Variants in CNBD1 observed in about 807,000 individuals in gnomAD.
The protein encoded by CNBD1 is cyclic nucleotide binding domain containing 1.
A neutral mutation model predicts 54.4 loss-of-function variants in CNBD1; 71 were observed. The observed-to-expected ratio is 1.30, with a 90% CI of 1.08 to 1.59. CNBD1 has a LOEUF of 1.59. Ranked by LOEUF, CNBD1 falls within the 40% of genes most tolerant of loss-of-function variation. CNBD1 has a pLI of 0.00. For missense variants in CNBD1, 659 were observed against 518.0 expected (o/e 1.27, Z -2.64); for synonymous variants, 182 against 170.7 (o/e 1.07, Z -0.51).
At chr8:87,401,554 T>C (rs573704719) in intron 2 of CNBD1, among the ~76,000 whole-genome samples, 1 of 152,084 alleles carries the variant, frequency 6.6e-6, no homozygotes, top group Non-Finnish European at 1.5e-5. Context: ...TCTTGTTTTT[T>C]ATGTTATTTT....
intron 4 of CNBD1, among the ~76,000 whole-genome samples, chr8:87,038,302 CA>C (rs1161267417): frequency 3.3e-5 from 5 of 152,110 alleles, no homozygotes. Flanking sequence ...CAGACAAAGC[CA>C]AGTCACTGAG....
chr8:86,915,028 G>T (rs963768588), intron 3 of CNBD1, among the ~76,000 whole-genome samples: 1 of 152,116 alleles, frequency 6.6e-6, no homozygotes, highest in South Asian at 2.1e-4. Flanking sequence ...ACCTGAACAG[G>T]GAACCACAGT....
At chr8:87,414,522 TAATA>T (rs1184901499) in intron 2 of CNBD1, among the ~76,000 whole-genome samples, 1 of 152,038 alleles carries the variant, frequency 6.6e-6, no homozygotes, top group East Asian at 1.9e-4. Context: ...TAAAGTATAA[TAATA>T]AATAAAAAAA....
intron 2 of CNBD1, among the ~76,000 whole-genome samples, chr8:86,898,887 A>C (rs958425535): frequency 5.9e-5 from 9 of 152,174 alleles, no homozygotes; most frequent in Admixed American, 5.9e-4. Flanking sequence ...AAGGCAATGC[A>C]ATTTACCTGT....
chr8:87,412,609 T>A (rs1356481351), intron 2 of CNBD1, among the ~76,000 whole-genome samples: 2 of 152,000 alleles, frequency 1.3e-5, no homozygotes, highest in South Asian at 4.2e-4. Flanking sequence ...AGACACTATG[T>A]TTTCACATTT....
chr8:87,024,546 T>C (rs574158481), intron 4 of CNBD1, among the ~76,000 whole-genome samples: 1 of 152,068 alleles, frequency 6.6e-6, no homozygotes, highest in East Asian at 2.0e-4. Context: ...TTCACCATAT[T>C]GGCCAGGCTG....
At chr8:87,352,832 A>G (rs373035612) in intron 9 of CNBD1, among the ~76,000 whole-genome samples, 14 of 152,360 alleles carry the variant, frequency 9.2e-5, no homozygotes, top group African/African-American at 3.1e-4. Flanking sequence ...CTGCTGCACT[A>G]ATCATATTCA....
intron 2 of CNBD1, among the ~76,000 whole-genome samples, chr8:87,420,985 G>C (rs551739148): frequency 6.6e-6 from 1 of 151,822 alleles, no homozygotes; most frequent in Non-Finnish European, 1.5e-5. Context: ...GCCAAACACA[G>C]GTTGGGAAAG....
intron 10 of CNBD1, 69 bp downstream of exon 10, chr8:87,353,855 T>C: frequency 8.1e-7 from 1 of 1,231,680 alleles, no homozygotes; most frequent in Non-Finnish European, 1.1e-6. Context: ...TTTTAAATTT[T>C]TTTCCTTATT....
intron 4 of CNBD1, among the ~76,000 whole-genome samples, chr8:87,170,562 T>C (rs1308171962): frequency 6.6e-6 from 1 of 151,890 alleles, no homozygotes; most frequent in African/African-American, 2.4e-5. Flanking sequence ...TTTTTCCCCA[T>C]TCAGTATGAT....
intron 10 of CNBD1, among the ~76,000 whole-genome samples, chr8:87,380,566 G>T (rs1042813096): frequency 1.3e-5 from 2 of 151,824 alleles, no homozygotes; most frequent in Non-Finnish European, 2.9e-5. Context: ...GCACCATTAG[G>T]ATTTTAATAG....
chr8:87,018,571 C>A (rs925336588), intron 4 of CNBD1, among the ~76,000 whole-genome samples: 8 of 151,996 alleles, frequency 5.3e-5, no homozygotes, highest in African/African-American at 1.4e-4. Flanking sequence ...GTTCCTTTTC[C>A]TGGTCTAACA....
chr8:86,955,278 T>C (rs1807735036), intron 4 of CNBD1, among the ~76,000 whole-genome samples: 1 of 152,150 alleles, frequency 6.6e-6, no homozygotes, highest in African/African-American at 2.4e-5. Flanking sequence ...TTGTGAATAG[T>C]GCCCCAAAAA....
At chr8:87,417,842 T>C (rs1375519847) in intron 2 of CNBD1, among the ~76,000 whole-genome samples, 1 of 151,882 alleles carries the variant, frequency 6.6e-6, no homozygotes, top group Non-Finnish European at 1.5e-5. Context: ...CTTAGAAATA[T>C]ATTAAAAAAT....
intron 4 of CNBD1, among the ~76,000 whole-genome samples, chr8:87,087,245 A>ATACGTATAT (rs1554553573): frequency 7.0e-6 from 1 of 141,896 alleles, no homozygotes; most frequent in African/African-American, 2.7e-5. Flanking sequence ...ATATATATAT[A>ATACGTATAT]CGTATATATA....
At chr8:87,187,161 A>T (rs925309906) in intron 4 of CNBD1, among the ~76,000 whole-genome samples, 5 of 151,982 alleles carry the variant, frequency 3.3e-5, no homozygotes, top group Non-Finnish European at 7.4e-5. Flanking sequence ...TTGAAAAATT[A>T]AAAGATTTAT....
intron 3 of CNBD1, among the ~76,000 whole-genome samples, chr8:86,931,656 C>T (rs1809460061): frequency 6.6e-6 from 1 of 152,044 alleles, no homozygotes; most frequent in Non-Finnish European, 1.5e-5. Flanking sequence ...CCTCTTTGTC[C>T]CTATTATAGA....
At chr8:86,888,983 T>G (rs993982188) in intron 2 of CNBD1, among the ~76,000 whole-genome samples, 1 of 152,150 alleles carries the variant, frequency 6.6e-6, no homozygotes, top group Non-Finnish European at 1.5e-5. Flanking sequence ...TCATTCCTCT[T>G]GGGTGGTGTC....
At chr8:87,173,308 G>A (rs1030128553) in intron 4 of CNBD1, among the ~76,000 whole-genome samples, 6 of 152,084 alleles carry the variant, frequency 3.9e-5, no homozygotes. Flanking sequence ...AAAATAAGAG[G>A]AGTTTACACA....
Sources: allele counts gnomAD v4.1 joint callset (sites outside exome capture counted in the v4.1 genomes callset), GRCh38; gene constraint gnomAD v4.1.1; transcripts MANE v1.5; gene names NCBI Gene and HGNC (gene_info 2026-07-23, HGNC 2026-07-21).